UNC13C: variants seen among roughly 807,000 people sequenced by gnomAD.
UNC13C encodes the protein protein unc-13 homolog C.
A neutral mutation model predicts 245.4 loss-of-function variants in UNC13C; 174 were observed. That is an observed-to-expected ratio of 0.71 (90% confidence interval 0.63 to 0.80). The LOEUF (loss-of-function observed/expected upper bound fraction) is 0.80, where lower values mean the gene tolerates loss of function less well. Among genes scored for constraint, UNC13C ranks in the 30% least tolerant of loss-of-function variants. The pLI, the probability that UNC13C is intolerant of heterozygous loss-of-function variation, is 0.00. For missense variants in UNC13C, 2,829 were observed against 2,602.9 expected, an observed-to-expected ratio of 1.09 and a Z score of -1.89; for synonymous variants, 992 against 895.1, an observed-to-expected ratio of 1.11 and a Z score of -1.93.
intron 4 of UNC13C, among the ~76,000 whole-genome samples, chr15:54,219,521 T>A (rs1400807421): frequency 6.7e-6 from 1 of 148,622 alleles, no homozygotes; most frequent in African/African-American, 2.5e-5. Flanking sequence ...GGCATTACCA[T>A]TCAGGACATA....
At chr15:54,515,951 A>C (rs1894955993) in intron 24 of UNC13C, among the ~76,000 whole-genome samples, 1 of 152,226 alleles carries the variant, frequency 6.6e-6, no homozygotes, top group Admixed American at 6.5e-5. Flanking sequence ...GAGCCAAGGA[A>C]TCTGGACCAT....
At chr15:54,554,455 C>T (rs1424820804) in intron 28 of UNC13C, among the ~76,000 whole-genome samples, 2 of 152,042 alleles carry the variant, frequency 1.3e-5, no homozygotes, top group African/African-American at 2.4e-5. Context: ...AAATAAGACA[C>T]CTTTTATTAT....
At chr15:53,898,434 G>A in the UNC13C span, among the ~76,000 whole-genome samples, 76 of 150,778 alleles carry the variant, frequency 5.0e-4, no homozygotes, top group Non-Finnish European at 8.0e-4. Flanking sequence ...ACACACAAAC[G>A]CATACACACT....
chr15:54,150,356 C>T (rs1270563101), intron 4 of UNC13C, among the ~76,000 whole-genome samples: 1 of 152,238 alleles, frequency 6.6e-6, no homozygotes, highest in South Asian at 2.1e-4. Flanking sequence ...AAAGGAGCCT[C>T]ATGTGAGACT....
At chr15:54,049,428 C>T (rs1308488954) in intron 2 of UNC13C, 2 of 490,258 alleles carry the variant, frequency 4.1e-6, no homozygotes, top group African/African-American at 4.0e-5. Context: ...TATTCCAGTT[C>T]TTTGTGGAGA....
At chr15:54,521,344 G>A (rs1895208439) in intron 24 of UNC13C, among the ~76,000 whole-genome samples, 2 of 152,076 alleles carry the variant, frequency 1.3e-5, no homozygotes, top group African/African-American at 2.4e-5. Flanking sequence ...TAGCTCGTAG[G>A]AAATGAAGGA....
chr15:54,474,156 T>C (rs190665103), intron 19 of UNC13C, among the ~76,000 whole-genome samples: 2 of 152,154 alleles, frequency 1.3e-5, no homozygotes, highest in Non-Finnish European at 1.5e-5. Flanking sequence ...TATTGATTTG[T>C]TGATTTGCTT....
At chr15:54,211,070 G>C (rs1317254917) in intron 4 of UNC13C, among the ~76,000 whole-genome samples, 1 of 152,152 alleles carries the variant, frequency 6.6e-6, no homozygotes, top group East Asian at 1.9e-4. Context: ...ATAGCACTTA[G>C]TAGGCTAGGT....
chr15:54,102,025 TTA>T (rs758278903), intron 2 of UNC13C, among the ~76,000 whole-genome samples: 1 of 149,970 alleles, frequency 6.7e-6, no homozygotes. Context: ...TGCATATGTA[TTA>T]TCTCATTTGA....
chr15:54,400,580 C>A (rs972602925), intron 18 of UNC13C, among the ~76,000 whole-genome samples: 2 of 152,108 alleles, frequency 1.3e-5, no homozygotes, highest in African/African-American at 4.8e-5. Context: ...TATGTCACAT[C>A]AGGTAGGACA....
At chr15:54,516,799 C>CA (rs59628073) in intron 24 of UNC13C, among the ~76,000 whole-genome samples, 84 of 123,610 alleles carry the variant, frequency 6.8e-4, no homozygotes, top group East Asian at 3.2e-3. Context: ...GATGCTGTCT[C>CA]AAAAAAAAAA....
intron 8 of UNC13C, among the ~76,000 whole-genome samples, chr15:54,259,141 C>T (rs1057387626): frequency 1.8e-4 from 28 of 152,214 alleles, no homozygotes; most frequent in African/African-American, 6.0e-4. Context: ...CATGATCTAG[C>T]TACTTCCCAA....
intron 17 of UNC13C, among the ~76,000 whole-genome samples, chr15:54,351,042 G>C (rs2038971627): frequency 6.6e-6 from 1 of 152,144 alleles, no homozygotes. Context: ...AAATTGATGA[G>C]TCTTGAATCT....
chr15:54,420,462 A>G (rs1458709523), intron 19 of UNC13C, among the ~76,000 whole-genome samples: 1 of 151,450 alleles, frequency 6.6e-6, no homozygotes, highest in Non-Finnish European at 1.5e-5. Flanking sequence ...TCACTTCTAC[A>G]ATATCTCGTT....
At chr15:54,454,556 C>T (rs1440702452) in intron 19 of UNC13C, among the ~76,000 whole-genome samples, 1 of 104,686 alleles carries the variant, frequency 9.6e-6, no homozygotes, top group Admixed American at 1.2e-4. Context: ...CCAGCCCAGG[C>T]AACAATAGTG....
At chr15:54,360,334 A>T (rs932203189) in intron 17 of UNC13C, among the ~76,000 whole-genome samples, 1 of 152,030 alleles carries the variant, frequency 6.6e-6, no homozygotes. Context: ...TCTTGAGTGC[A>T]GTTTAACTTT....
chr15:54,612,352 T>C (rs941832049), intron 30 of UNC13C, among the ~76,000 whole-genome samples: 9 of 152,170 alleles, frequency 5.9e-5, no homozygotes, highest in African/African-American at 1.4e-4. Context: ...TTTTTGTGAA[T>C]TGTCTATTTC....
At chr15:54,624,820 G>C (rs115136637) in intron 32 of UNC13C, among the ~76,000 whole-genome samples, 200 of 152,144 alleles carry the variant, frequency 1.3e-3, no homozygotes, top group African/African-American at 4.5e-3. Context: ...ACTCAGTTTA[G>C]AGTAATTCAA....
At chr15:53,930,196 C>T in the UNC13C span, among the ~76,000 whole-genome samples, 1 of 152,188 alleles carries the variant, frequency 6.6e-6, no homozygotes, top group African/African-American at 2.4e-5. Context: ...TCCACAGTTT[C>T]TTCACATGGC....
Sources: allele counts gnomAD v4.1 joint callset (sites outside exome capture counted in the v4.1 genomes callset), GRCh38; gene constraint gnomAD v4.1.1; transcripts MANE v1.5; gene names NCBI Gene and HGNC (gene_info 2026-07-23, HGNC 2026-07-21).